GTF2B: variants seen among roughly 807,000 people sequenced by gnomAD.
The protein encoded by GTF2B is transcription initiation factor IIB.
GTF2B carries 20 observed loss-of-function variants against 34.6 expected under a neutral mutation model. The ratio of observed to expected loss-of-function variants is 0.58; its 90% CI spans 0.41 to 0.84. GTF2B has a LOEUF of 0.84. Ranked by LOEUF, GTF2B falls within the 40% of genes least tolerant of loss-of-function variation. The probability of loss-of-function intolerance (pLI) is 0.00; values close to 1 mark genes in which losing one functional copy is unlikely to be tolerated. For synonymous variants in GTF2B, 142 were observed against 132.4 expected (o/e 1.07, Z -0.50); for missense variants, 237 against 393.3 (o/e 0.60, Z 3.36).
intron 2 of GTF2B, among the ~76,000 whole-genome samples, chr1:88,865,889 T>C (rs371435551): frequency 2.4e-4 from 36 of 151,454 alleles, no homozygotes; most frequent in African/African-American, 8.0e-4. Context: ...TTAATCTCCA[T>C]AGAAGACTTT....
At chr1:88,883,073 A>C (rs560172642) in intron 2 of GTF2B, among the ~76,000 whole-genome samples, 2 of 152,264 alleles carry the variant, frequency 1.3e-5, no homozygotes, top group Non-Finnish European at 2.9e-5. Flanking sequence ...TATATAAAGT[A>C]TATAAAAGCA....
intron 3 of GTF2B, 72 bp downstream of exon 3, chr1:88,863,909 T>C (rs1179352857): frequency 5.7e-6 from 8 of 1,414,050 alleles, no homozygotes; most frequent in East Asian, 2.3e-5. Flanking sequence ...ACTGATACTT[T>C]TGCAAAGTTC....
chr1:88,881,804 T>G (rs1318811066), intron 2 of GTF2B, among the ~76,000 whole-genome samples: 1 of 152,176 alleles, frequency 6.6e-6, no homozygotes, highest in Non-Finnish European at 1.5e-5. Flanking sequence ...TTGATACTAG[T>G]AAGTCAATAA....
At chr1:88,859,279 T>C (rs978823639) in intron 5 of GTF2B, among the ~76,000 whole-genome samples, 19 of 152,214 alleles carry the variant, frequency 1.2e-4, no homozygotes, top group Admixed American at 3.3e-4. Context: ...TTTACGATTA[T>C]AGGCCTTCTG....
At chr1:88,854,311 T>C (rs1673253416) in intron 6 of GTF2B, among the ~76,000 whole-genome samples, 1 of 152,206 alleles carries the variant, frequency 6.6e-6, no homozygotes, top group Admixed American at 6.5e-5. Context: ...TGTTTTTCAC[T>C]GATACAAGCA....
intron 2 of GTF2B, among the ~76,000 whole-genome samples, chr1:88,881,496 T>C (rs755544045): frequency 1.8e-4 from 27 of 152,216 alleles, no homozygotes. Context: ...TGCAGTGTCA[T>C]GTTCAATTTA....
intron 6 of GTF2B, among the ~76,000 whole-genome samples, chr1:88,855,481 T>C (rs1208748117): frequency 6.6e-6 from 1 of 151,514 alleles, no homozygotes; most frequent in East Asian, 1.9e-4. Context: ...GCCTCCCGAG[T>C]AGCTGGGACT....
chr1:88,864,177 C>A (rs968354226), intron 2 of GTF2B, 63 bp from the exon 3 acceptor site: 110 of 1,488,462 alleles, frequency 7.4e-5, no homozygotes, highest in Non-Finnish European at 1.0e-4. Flanking sequence ...ACTACACTGT[C>A]CAATGCCCAA....
intron 2 of GTF2B, among the ~76,000 whole-genome samples, chr1:88,874,273 T>C (rs1570729660): frequency 1.3e-5 from 2 of 152,112 alleles, no homozygotes; most frequent in South Asian, 2.1e-4. Context: ...AGAGTGTTTT[T>C]GCTTCTTATT....
chr1:88,856,959 C>A (rs918481243), intron 6 of GTF2B, among the ~76,000 whole-genome samples: 1 of 152,008 alleles, frequency 6.6e-6, no homozygotes, highest in Non-Finnish European at 1.5e-5. Flanking sequence ...CACCACCACA[C>A]CCAGCTAATT....
chr1:88,862,191 G>T (rs992245396), intron 3 of GTF2B, among the ~76,000 whole-genome samples: 8 of 152,178 alleles, frequency 5.3e-5, no homozygotes, highest in African/African-American at 1.9e-4. Context: ...AGAAAGTTGA[G>T]AAATATGCCC....
intron 2 of GTF2B, among the ~76,000 whole-genome samples, chr1:88,883,618 C>T (rs1043058205): frequency 4.0e-5 from 6 of 151,636 alleles, no homozygotes; most frequent in Non-Finnish European, 8.8e-5. Flanking sequence ...GTCATGATCG[C>T]ACCACTGCAC....
At chr1:88,873,143 T>C (rs1673736482) in intron 2 of GTF2B, among the ~76,000 whole-genome samples, 1 of 151,434 alleles carries the variant, frequency 6.6e-6, no homozygotes, top group Non-Finnish European at 1.5e-5. Flanking sequence ...GACTAATAGA[T>C]GACCCAAACA....
intron 2 of GTF2B, among the ~76,000 whole-genome samples, chr1:88,866,935 T>A (rs532570001): frequency 6.6e-6 from 1 of 152,314 alleles, no homozygotes; most frequent in South Asian, 2.1e-4. Flanking sequence ...AGAAAAGCGT[T>A]AGATGGATGG....
intron 2 of GTF2B, among the ~76,000 whole-genome samples, chr1:88,883,770 T>C (rs1402552153): frequency 6.6e-6 from 1 of 152,214 alleles, no homozygotes; most frequent in Non-Finnish European, 1.5e-5. Flanking sequence ...AAGTCTTCTC[T>C]AACAAAGTAC....
chr1:88,858,617 G>C (rs539158235), intron 5 of GTF2B: 2 of 152,184 alleles, frequency 1.3e-5, no homozygotes, highest in South Asian at 4.1e-4. Flanking sequence ...CAACAAAAAA[G>C]ATGATGATAA....
At chr1:88,875,611 C>A (rs1403581047) in intron 2 of GTF2B, among the ~76,000 whole-genome samples, 1 of 152,162 alleles carries the variant, frequency 6.6e-6, no homozygotes, top group African/African-American at 2.4e-5. Flanking sequence ...TACTTGGAAT[C>A]ATTTTCTCTC....
rs960496000 is a variant in GTF2B at position 88,891,558 on chromosome 1, C to T, written c.-59G>A. 3 of 1,498,070 alleles carry T rather than the reference C, an allele frequency of 2.0e-6. No homozygotes were observed. Among genetic ancestry groups the T allele is most frequent in the Non-Finnish European group, 2.8e-6 (3 of 1,089,204 alleles). The allele number at this position is 1,498,070 out of a possible 1,614,324, so 92.8% of individuals were successfully genotyped here. ...CAACAGACACACCGAAAGCAGGAAGCGAATGTGGCGAAGAGACGCGCAGAG... is the reference window on the plus strand; with the variant it reads ...CAACAGACACACCGAAAGCAGGAAGTGAATGTGGCGAAGAGACGCGCAGAG... On this transcript the variant is annotated 5_prime_UTR_variant, in exon 1 of 7. Coordinates refer to ENST00000370500, the MANE Select transcript of GTF2B (RefSeq NM_001514.6).
intron 2 of GTF2B, among the ~76,000 whole-genome samples, chr1:88,867,555 A>C (rs1348339156): frequency 6.6e-6 from 1 of 152,228 alleles, no homozygotes; most frequent in Non-Finnish European, 1.5e-5. Context: ...AGCTAAAAAA[A>C]ATCAACAAAT....
Sources: gnomAD v4.1 joint callset for allele counts (sites outside exome capture counted in the v4.1 genomes callset) on GRCh38, gnomAD v4.1.1 for gene constraint, MANE v1.5 for transcripts, NCBI Gene and HGNC (gene_info 2026-07-23, HGNC 2026-07-21) for gene names.